GALNT2: variants seen among roughly 807,000 people sequenced by gnomAD.
The protein encoded by GALNT2 is UDP-GalNAc:polypeptide N-acetylgalactosaminyltransferase 2.
Under a neutral mutation model 81.4 loss-of-function variants are expected in GALNT2, and 31 were observed. The observed-to-expected ratio is 0.38, with a 90% confidence interval of 0.29 to 0.51. GALNT2 has a LOEUF of 0.51. Among genes scored for constraint, GALNT2 ranks in the 20% least tolerant of loss-of-function variants. GALNT2 has a pLI of 0.87. For missense variants in GALNT2, 629 were observed against 765.7 expected (o/e 0.82, Z 2.11); for synonymous variants, 303 against 287.4 (o/e 1.05, Z -0.55).
chr1:230,099,497 G>A (rs2102776066), intron 1 of GALNT2, among the ~76,000 whole-genome samples: 1 of 152,230 alleles, frequency 6.6e-6, no homozygotes, highest in East Asian at 1.9e-4. Context: ...TGCCTGGAGA[G>A]TTTTCTCTCC....
chr1:230,071,048 AAAT>A (rs772723827), intron 1 of GALNT2, among the ~76,000 whole-genome samples: 7 of 152,184 alleles, frequency 4.6e-5, no homozygotes, highest in Non-Finnish European at 1.0e-4. Flanking sequence ...TCGGAGAGTT[AAAT>A]ACTGTTAGTG....
intron 1 of GALNT2, among the ~76,000 whole-genome samples, chr1:230,069,943 G>A (rs570630170): frequency 1.3e-4 from 20 of 152,274 alleles, no homozygotes; most frequent in African/African-American, 2.4e-4. Context: ...TTTAGGGATC[G>A]TCTGAGGGGA....
At chr1:230,136,481 T>C (rs946982827) in intron 1 of GALNT2, among the ~76,000 whole-genome samples, 1 of 152,164 alleles carries the variant, frequency 6.6e-6, no homozygotes, top group African/African-American at 2.4e-5. Context: ...TCTGCCGCGC[T>C]TTCTCTCCCG....
At chr1:230,140,351 G>T (rs914457844) in intron 1 of GALNT2, among the ~76,000 whole-genome samples, 1 of 152,182 alleles carries the variant, frequency 6.6e-6, no homozygotes, top group African/African-American at 2.4e-5. Flanking sequence ...CCTGGAGTTG[G>T]ATTCCTACCC....
chr1:230,238,958 G>C (rs1272207614), intron 6 of GALNT2, among the ~76,000 whole-genome samples: 1 of 151,988 alleles, frequency 6.6e-6, no homozygotes, highest in Non-Finnish European at 1.5e-5. Context: ...TAGCCAGTCT[G>C]GACCAAGAAT....
chr1:230,252,843 CTTTTTTTTTT>C (rs58544942), intron 10 of GALNT2, among the ~76,000 whole-genome samples: 2 of 78,946 alleles, frequency 2.5e-5, no homozygotes, highest in Non-Finnish European at 4.5e-5. Context: ...GAGACAACTT[CTTTTTTTTTT>C]TTTTTTTTTT....
At chr1:230,197,145 C>G (rs1454814846) in intron 2 of GALNT2, among the ~76,000 whole-genome samples, 1 of 152,048 alleles carries the variant, frequency 6.6e-6, no homozygotes, top group Admixed American at 6.5e-5. Flanking sequence ...TCGCATCTCC[C>G]CCTGCCTGAA....
chr1:230,265,480 A>G lies in GALNT2; in HGVS notation c.1440+113A>G, dbSNP rs3748010. On this transcript the variant is annotated intron_variant, in intron 14 of 15. Transcript: ENST00000366672. ...CTTTCTCCTGGGATGGGTGATGTCTATGAGGAAGCACCTGGCTCCTGCTGG... is the reference window on the plus strand; with the variant it reads ...CTTTCTCCTGGGATGGGTGATGTCTGTGAGGAAGCACCTGGCTCCTGCTGG... 5.5e-4 allele frequency: 796 copies of G among 1,447,058 alleles called. 14 individuals are homozygous for G. In the East Asian group the frequency reaches 0.015, roughly 27 times the overall value. 89.6% of individuals were successfully genotyped at this position (1,447,058 alleles called of 1,614,324 possible). A position where few individuals can be genotyped will look rare whatever the true frequency, so the allele number is the denominator to read the frequency against.
At chr1:230,276,078 CAT>C (rs1327886711) in intron 15 of GALNT2, among the ~76,000 whole-genome samples, 1 of 149,228 alleles carries the variant, frequency 6.7e-6, no homozygotes, top group Non-Finnish European at 1.5e-5. Flanking sequence ...ATACATGCCA[CAT>C]ATATATACAT....
chr1:230,099,176 C>G (rs1660332887), intron 1 of GALNT2, among the ~76,000 whole-genome samples: 1 of 152,224 alleles, frequency 6.6e-6, no homozygotes, highest in Non-Finnish European at 1.5e-5. Flanking sequence ...TCCATGTGCT[C>G]TGTGCCTGCT....
At chr1:230,190,831 G>A (rs1028866417) in intron 2 of GALNT2, among the ~76,000 whole-genome samples, 4 of 152,070 alleles carry the variant, frequency 2.6e-5, no homozygotes, top group Admixed American at 6.6e-5. Flanking sequence ...GACCGCCATC[G>A]GCTCATTGAA....
At chr1:230,190,599 G>A (rs931175304) in intron 2 of GALNT2, among the ~76,000 whole-genome samples, 1 of 152,124 alleles carries the variant, frequency 6.6e-6, no homozygotes, top group African/African-American at 2.4e-5. Context: ...CTCTCTTTCA[G>A]AGCCCCCTCT....
chr1:230,084,648 T>C (rs1454878591), intron 1 of GALNT2, among the ~76,000 whole-genome samples: 1 of 152,050 alleles, frequency 6.6e-6, no homozygotes, highest in African/African-American at 2.4e-5. Context: ...GTCTGCCACA[T>C]GGGGGACCAT....
At chr1:230,266,956 A>G (rs1256149956) in intron 14 of GALNT2, among the ~76,000 whole-genome samples, 1 of 151,946 alleles carries the variant, frequency 6.6e-6, no homozygotes, top group Non-Finnish European at 1.5e-5. Flanking sequence ...GCCGACAGAT[A>G]TGAGTGTGCT....
At chr1:230,060,537 C>T (rs1241470820) in intron 1 of GALNT2, among the ~76,000 whole-genome samples, 1 of 152,094 alleles carries the variant, frequency 6.6e-6, no homozygotes, top group Non-Finnish European at 1.5e-5. Context: ...ACCACCACCC[C>T]CACCCAGCAG....
At chr1:230,069,509 G>A (rs1659310491) in intron 1 of GALNT2, among the ~76,000 whole-genome samples, 1 of 152,136 alleles carries the variant, frequency 6.6e-6, no homozygotes, top group African/African-American at 2.4e-5. Flanking sequence ...AAATTGCAGT[G>A]GAAGACTCAT....
At chr1:230,083,907 G>A (rs1021785764) in intron 1 of GALNT2, among the ~76,000 whole-genome samples, 6 of 152,186 alleles carry the variant, frequency 3.9e-5, no homozygotes, top group Non-Finnish European at 8.8e-5. Context: ...CTGCATGCAA[G>A]CTGAAGGAAA....
chr1:230,170,858 G>A (rs929557000), intron 1 of GALNT2, among the ~76,000 whole-genome samples: 1 of 152,130 alleles, frequency 6.6e-6, no homozygotes, highest in African/African-American at 2.4e-5. Flanking sequence ...AGCCATGCAT[G>A]AGGGATCCAC....
At chr1:230,244,990 C>T (rs564407031) in intron 7 of GALNT2, among the ~76,000 whole-genome samples, 3 of 152,270 alleles carry the variant, frequency 2.0e-5, no homozygotes, top group South Asian at 4.1e-4. Flanking sequence ...TCAGGGAAAA[C>T]ACTTGCTCTT....
Sources: gnomAD v4.1 joint callset for allele counts (sites outside exome capture counted in the v4.1 genomes callset) on GRCh38, gnomAD v4.1.1 for gene constraint, MANE v1.5 for transcripts, NCBI Gene and HGNC (gene_info 2026-07-23, HGNC 2026-07-21) for gene names.